Variants in SGCD observed in about 807,000 individuals in gnomAD.
The protein encoded by SGCD is delta-sarcoglycan.
A neutral mutation model predicts 36.6 loss-of-function variants in SGCD; 18 were observed. The ratio of observed to expected loss-of-function variants is 0.49; its 90% confidence interval spans 0.34 to 0.73. SGCD has a LOEUF of 0.73. Ranked by LOEUF, SGCD falls within the 30% of genes least tolerant of loss-of-function variation. The pLI is 0.01. For missense variants in SGCD, 387 were observed against 346.7 expected (o/e 1.12, Z -0.92); for synonymous variants, 133 against 130.6 (o/e 1.02, Z -0.12).
At chr5:156,350,799 AC>A (rs1358718131) in intron 3 of SGCD, among the ~76,000 whole-genome samples, 1 of 152,082 alleles carries the variant, frequency 6.6e-6, no homozygotes, top group East Asian at 1.9e-4. Flanking sequence ...TGTGCTACTC[AC>A]TGTACATGGC....
At chr5:156,709,045 G>A (rs546397914) in intron 7 of SGCD, among the ~76,000 whole-genome samples, 1 of 152,240 alleles carries the variant, frequency 6.6e-6, no homozygotes, top group East Asian at 1.9e-4. Context: ...CAGGTAGGGG[G>A]AACACATTCA....
chr5:156,708,773 T>C (rs915613959), intron 7 of SGCD, among the ~76,000 whole-genome samples: 18 of 152,014 alleles, frequency 1.2e-4, no homozygotes, highest in Admixed American at 1.0e-3. Flanking sequence ...CTCACAGAAA[T>C]GAAGTGAAAA....
intron 3 of SGCD, among the ~76,000 whole-genome samples, chr5:156,300,973 C>T (rs1168803280): frequency 1.3e-5 from 2 of 151,726 alleles, no homozygotes; most frequent in Non-Finnish European, 2.9e-5. Flanking sequence ...TTTTTCCATC[C>T]CTCTGTTTTC....
the SGCD span, among the ~76,000 whole-genome samples, chr5:155,801,865 A>G: frequency 6.6e-6 from 1 of 152,150 alleles, no homozygotes; most frequent in South Asian, 2.1e-4. Context: ...TGTTCCTGTT[A>G]CTTGTCTGGA....
chr5:155,749,750 C>G, the SGCD span, among the ~76,000 whole-genome samples: 1 of 152,190 alleles, frequency 6.6e-6, no homozygotes, highest in African/African-American at 2.4e-5. Flanking sequence ...CATGGGTTGA[C>G]TTGGTGTACA....
intron 4 of SGCD, among the ~76,000 whole-genome samples, chr5:156,565,552 GT>G (rs1372838361): frequency 1.8e-4 from 28 of 152,024 alleles, no homozygotes; most frequent in Admixed American, 1.2e-3. Flanking sequence ...CATAAATTCA[GT>G]TTTTTTATTA....
At chr5:156,314,062 C>T (rs1767453416) in intron 3 of SGCD, among the ~76,000 whole-genome samples, 1 of 151,884 alleles carries the variant, frequency 6.6e-6, no homozygotes, top group South Asian at 2.1e-4. Context: ...TAAGATGGTT[C>T]ATGATCCCTA....
At chr5:155,955,443 A>G (rs1757631628) in intron 1 of SGCD, among the ~76,000 whole-genome samples, 2 of 152,170 alleles carry the variant, frequency 1.3e-5, no homozygotes, top group African/African-American at 2.4e-5. Flanking sequence ...ACAGCATGAA[A>G]TAGTTCAGAT....
At chr5:155,988,132 G>A (rs1192757413) in intron 1 of SGCD, among the ~76,000 whole-genome samples, 1 of 152,138 alleles carries the variant, frequency 6.6e-6, no homozygotes, top group East Asian at 1.9e-4. Flanking sequence ...CAAGAGATTA[G>A]ACTATTTATA....
At chr5:156,348,725 C>T (rs1190454155) in intron 3 of SGCD, among the ~76,000 whole-genome samples, 2 of 152,042 alleles carry the variant, frequency 1.3e-5, no homozygotes, top group African/African-American at 2.4e-5. Flanking sequence ...ATATCAATGT[C>T]GTTTTTCACA....
chr5:155,949,461 C>T (rs1198014820), intron 1 of SGCD, among the ~76,000 whole-genome samples: 1 of 152,104 alleles, frequency 6.6e-6, no homozygotes, highest in African/African-American at 2.4e-5. Flanking sequence ...CCCTGTTCTA[C>T]CTATGAGACA....
In SGCD at chr5:156,269,510, A is replaced by AAAAAAAAAAAAAACAAAAG. The variant is rs1408141297; in HGVS notation, c.-43-60024_-43-60023insAAAAAAAAAAAAACAAAAG. ...AAAAAAAAAAAAAAAAAAAAAAAAAACCATCAGATCTCATGAAACTTATTC... is the reference window on the plus strand; with the variant it reads ...AAAAAAAAAAAAAAAAAAAAAAAAAAAAAAAAAAAAAAACAAAAGCCATCAGATCTCATGAAACTTATTC... On this transcript the variant is annotated intron_variant, in intron 3 of 9. Transcript: ENST00000517913. 1.5e-5 allele frequency among the ~76,000 whole-genome samples: 2 copies of AAAAAAAAAAAAAACAAAAG among 137,650 alleles called. 1 individual carries two copies. Among genetic ancestry groups the AAAAAAAAAAAAAACAAAAG allele is most frequent in the Non-Finnish European group, 3.1e-5 (2 of 63,632 alleles). The allele number at this position is 137,650 out of a possible 152,430, so 90.3% of individuals were successfully genotyped here. A position where few individuals can be genotyped will look rare whatever the true frequency, so the allele number is the denominator to read the frequency against.
chr5:156,674,959 A>G (rs558260454), intron 7 of SGCD, among the ~76,000 whole-genome samples: 2 of 152,298 alleles, frequency 1.3e-5, no homozygotes, highest in South Asian at 4.1e-4. Context: ...CTGAGAGGTT[A>G]ATGTGAAATG....
intron 7 of SGCD, among the ~76,000 whole-genome samples, chr5:156,687,235 TAACAG>T (rs1381181652): frequency 6.6e-6 from 1 of 152,214 alleles, no homozygotes; most frequent in Non-Finnish European, 1.5e-5. Flanking sequence ...CAGTAGCTCT[TAACAG>T]GACTGTAGAA....
chr5:156,602,166 C>G (rs1254526806), intron 6 of SGCD, among the ~76,000 whole-genome samples: 1 of 152,014 alleles, frequency 6.6e-6, no homozygotes, highest in Non-Finnish European at 1.5e-5. Context: ...TTTTCACCTC[C>G]TTGCTTAAGT....
chr5:156,705,314 G>C (rs1174814354), intron 7 of SGCD, among the ~76,000 whole-genome samples: 1 of 152,094 alleles, frequency 6.6e-6, no homozygotes, highest in African/African-American at 2.4e-5. Context: ...TACATTTTCT[G>C]GGAGGAAATT....
chr5:156,744,659 G>A (rs184014882), intron 7 of SGCD, among the ~76,000 whole-genome samples: 12 of 152,210 alleles, frequency 7.9e-5, no homozygotes, highest in East Asian at 3.9e-4. Flanking sequence ...TATAATAAAC[G>A]AAATTATATA....
chr5:156,489,765 A>C (rs1755855085), intron 3 of SGCD, among the ~76,000 whole-genome samples: 1 of 152,070 alleles, frequency 6.6e-6, no homozygotes, highest in South Asian at 2.1e-4. Context: ...CCTACACCAA[A>C]GAAAGTGGAA....
chr5:156,445,315 T>A (rs186479042), intron 3 of SGCD, among the ~76,000 whole-genome samples: 3 of 152,288 alleles, frequency 2.0e-5, no homozygotes, highest in East Asian at 1.9e-4. Flanking sequence ...GTAGCCAGAA[T>A]TATTGATCTT....
Sources: allele counts gnomAD v4.1 joint callset (sites outside exome capture counted in the v4.1 genomes callset), GRCh38; gene constraint gnomAD v4.1.1; transcripts MANE v1.5; gene names NCBI Gene and HGNC (gene_info 2026-07-23, HGNC 2026-07-21).